The following MAP2 variants were observed in gnomAD, a reference collection of about 807,000 sequenced individuals.
MAP2 encodes microtubule-associated protein 2.
MAP2 carries 14 observed loss-of-function variants against 137.6 expected under a neutral mutation model. The observed-to-expected ratio is 0.10, with a 90% CI of 0.07 to 0.16. MAP2 has a LOEUF of 0.16. MAP2 is among the 10% of genes least tolerant of loss of function. The pLI is 1.00. For synonymous variants in MAP2, 786 were observed against 782.3 expected (o/e 1.00, Z -0.08); for missense variants, 2,088 against 2,191.5 (o/e 0.95, Z 0.94).
intron 12 of MAP2, among the ~76,000 whole-genome samples, chr2:209,708,776 G>T (rs1381662563): frequency 6.6e-6 from 1 of 152,076 alleles, no homozygotes; most frequent in African/African-American, 2.4e-5. Context: ...AATGAAATTT[G>T]CATGCTTAAA....
At chr2:209,703,982 A>C (rs754286936) in intron 11 of MAP2, 10 of 455,432 alleles carry the variant, frequency 2.2e-5, no homozygotes, top group African/African-American at 1.8e-4. Flanking sequence ...TTTATTTTTA[A>C]TCAGGGTGTC....
At chr2:209,564,417 G>T (rs566036290) in intron 2 of MAP2, among the ~76,000 whole-genome samples, 44 of 152,062 alleles carry the variant, frequency 2.9e-4, no homozygotes, top group African/African-American at 9.6e-4. Flanking sequence ...TTTCAAACTG[G>T]ATTTAATGAA....
intron 2 of MAP2, among the ~76,000 whole-genome samples, chr2:209,531,751 T>C (rs189970233): frequency 3.3e-4 from 51 of 152,324 alleles, no homozygotes; most frequent in African/African-American, 1.2e-3. Context: ...TTTCTATTTT[T>C]AATGTGAAAT....
chr2:209,598,226 C>T (rs1257979612), intron 3 of MAP2, among the ~76,000 whole-genome samples: 3 of 151,646 alleles, frequency 2.0e-5, no homozygotes, highest in Admixed American at 6.6e-5. Flanking sequence ...AGGCTGGTCG[C>T]GAACTCCTGA....
chr2:209,672,575 A>G (rs1471754310), intron 5 of MAP2, among the ~76,000 whole-genome samples: 1 of 151,916 alleles, frequency 6.6e-6, no homozygotes, highest in Non-Finnish European at 1.5e-5. Context: ...TTGGCTAGTA[A>G]GAGATGGAGA....
At chr2:209,540,216 T>C (rs914099200) in intron 2 of MAP2, among the ~76,000 whole-genome samples, 23 of 151,982 alleles carry the variant, frequency 1.5e-4, no homozygotes, top group Admixed American at 6.6e-4. Flanking sequence ...CCACTTTCTT[T>C]CCATAATTAT....
intron 12 of MAP2, 130 bp from the exon 13 acceptor site, chr2:209,709,784 A>G: frequency 1.5e-6 from 1 of 684,758 alleles, no homozygotes; most frequent in Middle Eastern, 4.1e-4. Flanking sequence ...CTTGAGTACT[A>G]TAGTGATAAC....
intron 2 of MAP2, among the ~76,000 whole-genome samples, chr2:209,549,758 G>T (rs72997666): frequency 1.7e-3 from 264 of 152,278 alleles, no homozygotes; most frequent in Non-Finnish European, 3.2e-3. Context: ...GAATAGGCCA[G>T]CTGAGAGCTA....
intron 13 of MAP2, chr2:209,710,664 GA>G (rs2153767564): frequency 6.2e-6 from 1 of 161,824 alleles, no homozygotes; most frequent in Non-Finnish European, 1.3e-5. Context: ...CTTCCCCAAG[GA>G]TTTCCTATGA....
At chr2:209,725,623 T>C (rs2073646486) in intron 13 of MAP2, 86 bp from the exon 14 acceptor site, 2 of 706,716 alleles carry the variant, frequency 2.8e-6, no homozygotes, top group Non-Finnish European at 2.3e-6. Context: ...GTTGTGACTT[T>C]GGGTGTGTTT....
At chr2:209,546,248 A>T (rs1429798581) in intron 2 of MAP2, among the ~76,000 whole-genome samples, 1 of 152,258 alleles carries the variant, frequency 6.6e-6, no homozygotes, top group Non-Finnish European at 1.5e-5. Flanking sequence ...ATATATACAC[A>T]TATATAAGTA....
intron 1 of MAP2, among the ~76,000 whole-genome samples, chr2:209,462,852 A>C (rs1224930366): frequency 6.6e-6 from 1 of 152,134 alleles, no homozygotes; most frequent in Non-Finnish European, 1.5e-5. Context: ...TTCTCCACTT[A>C]GTTTTAAGAT....
At chr2:209,581,839 A>G (rs925668886) in intron 3 of MAP2, among the ~76,000 whole-genome samples, 2 of 152,232 alleles carry the variant, frequency 1.3e-5, no homozygotes, top group African/African-American at 2.4e-5. Flanking sequence ...GGGGCATACA[A>G]TCTCACCAAC....
chr2:209,676,735 A>ATATATC (rs2051802217), intron 5 of MAP2, among the ~76,000 whole-genome samples: 1 of 45,216 alleles, frequency 2.2e-5, no homozygotes. Context: ...ATATATATAT[A>ATATATC]TATATATATA....
intron 1 of MAP2, among the ~76,000 whole-genome samples, chr2:209,437,242 C>T (rs1363334903): frequency 6.6e-6 from 1 of 151,612 alleles, no homozygotes; most frequent in Admixed American, 6.6e-5. Context: ...TCACAAATGT[C>T]TTTTAAACAG....
At chr2:209,685,613 G>C (rs904972703) in intron 7 of MAP2, among the ~76,000 whole-genome samples, 1 of 152,212 alleles carries the variant, frequency 6.6e-6, no homozygotes, top group East Asian at 1.9e-4. Flanking sequence ...TTTTGAAGTT[G>C]CCTTGGTCCC....
intron 1 of MAP2, among the ~76,000 whole-genome samples, chr2:209,432,834 CAT>C (rs1456242702): frequency 4.6e-5 from 7 of 152,124 alleles, no homozygotes; most frequent in Admixed American, 4.6e-4. Context: ...AGAGTCAACA[CAT>C]ATAAATGCAG....
chr2:209,676,316 T>A (rs181663740), intron 5 of MAP2, among the ~76,000 whole-genome samples: 154 of 151,780 alleles, frequency 1.0e-3, no homozygotes, highest in Non-Finnish European at 1.8e-3. Context: ...CAATTATAAG[T>A]GGGAGCTAAA....
At chr2:209,626,343 A>C (rs908985739) in intron 4 of MAP2, among the ~76,000 whole-genome samples, 2 of 152,126 alleles carry the variant, frequency 1.3e-5, no homozygotes, top group Non-Finnish European at 2.9e-5. Flanking sequence ...TGAACCTGGG[A>C]GGTGGAGGTT....
Sources: allele counts gnomAD v4.1 joint callset (sites outside exome capture counted in the v4.1 genomes callset), GRCh38; gene constraint gnomAD v4.1.1; transcripts MANE v1.5; gene names NCBI Gene and HGNC (gene_info 2026-07-23, HGNC 2026-07-21).